The following ZDHHC15 variants were observed in gnomAD, a reference collection of about 807,000 sequenced individuals.
ZDHHC15 encodes the protein palmitoyltransferase ZDHHC15.
ZDHHC15 carries 19 observed loss-of-function variants against 31.7 expected under a neutral mutation model. The ratio of observed to expected loss-of-function variants is 0.60; its 90% CI spans 0.42 to 0.88. ZDHHC15 has a LOEUF of 0.88. Ranked by LOEUF, ZDHHC15 falls within the 40% of genes least tolerant of loss-of-function variation. The pLI is 0.00. For missense variants in ZDHHC15, 209 were observed against 251.2 expected, an observed-to-expected ratio of 0.83 and a Z score of 1.14; for synonymous variants, 103 against 90.0, an observed-to-expected ratio of 1.14 and a Z score of -0.82.
At chrX:75,477,645 G>A (rs958938765) in intron 3 of ZDHHC15, among the ~76,000 whole-genome samples, 1 of 111,495 alleles carries the variant, frequency 9.0e-6, no homozygotes, top group Non-Finnish European at 1.9e-5. Flanking sequence ...TACTTAAAGA[G>A]TCTTTGTTGT....
chrX:75,497,731 G>A (rs749271155), intron 2 of ZDHHC15, among the ~76,000 whole-genome samples: 2 of 110,954 alleles, frequency 1.8e-5, no homozygotes, highest in South Asian at 7.7e-4. Context: ...ATAATAATAC[G>A]ATTATCTCAA....
intron 2 of ZDHHC15, among the ~76,000 whole-genome samples, chrX:75,484,292 T>C (rs2084742125): frequency 2.7e-5 from 3 of 111,656 alleles, no homozygotes; most frequent in Non-Finnish European, 5.6e-5. Context: ...TTTTGCTCCA[T>C]GGGGAGGAAT....
intron 1 of ZDHHC15, among the ~76,000 whole-genome samples, chrX:75,515,696 C>T (rs2085345370): frequency 2.7e-5 from 3 of 111,749 alleles, no homozygotes; most frequent in South Asian, 7.5e-4. Flanking sequence ...CCCTCTCTCA[C>T]CACTCCTATT....
At chrX:75,441,763 A>C (rs1276139383) in intron 4 of ZDHHC15, among the ~76,000 whole-genome samples, 1 of 108,670 alleles carries the variant, frequency 9.2e-6, no homozygotes, top group Non-Finnish European at 1.9e-5. Context: ...AGCTGGGATT[A>C]CAGGCACCCG....
At chrX:75,509,384 CT>C (rs571137462) in intron 1 of ZDHHC15, among the ~76,000 whole-genome samples, 319 of 111,848 alleles carry the variant, frequency 2.9e-3, no homozygotes, top group Middle Eastern at 0.023. Flanking sequence ...ATATTTTATG[CT>C]TCCAGAACAT....
intron 10 of ZDHHC15, among the ~76,000 whole-genome samples, chrX:75,414,776 T>TTC (rs1276442743): frequency 4.9e-5 from 5 of 102,562 alleles, no homozygotes; most frequent in Admixed American, 1.1e-4. Flanking sequence ...CAAGTACGTT[T>TTC]TTTTTTTGAG....
At chrX:75,500,152 G>T (rs2085067216) in intron 2 of ZDHHC15, among the ~76,000 whole-genome samples, 1 of 109,721 alleles carries the variant, frequency 9.1e-6, no homozygotes, top group African/African-American at 3.3e-5. Flanking sequence ...GGGATAAAAG[G>T]CTACGCACTG....
intron 10 of ZDHHC15, among the ~76,000 whole-genome samples, chrX:75,393,602 A>T (rs964068077): frequency 9.0e-6 from 1 of 111,404 alleles, no homozygotes; most frequent in Non-Finnish European, 1.9e-5. Flanking sequence ...ATACTATTAG[A>T]AGTAGAGTCC....
At chrX:75,396,306 T>A (rs1355102883) in intron 10 of ZDHHC15, among the ~76,000 whole-genome samples, 1 of 111,501 alleles carries the variant, frequency 9.0e-6, no homozygotes, top group Non-Finnish European at 1.9e-5. Flanking sequence ...TAGGAAAAAA[T>A]CTAATAATCT....
intron 10 of ZDHHC15, among the ~76,000 whole-genome samples, chrX:75,382,292 C>G (rs982126701): frequency 1.8e-5 from 2 of 111,967 alleles, no homozygotes; most frequent in African/African-American, 6.5e-5. Context: ...GGAACACACA[C>G]CAATTTAGAG....
chrX:75,405,107 C>G (rs888059877), intron 10 of ZDHHC15, among the ~76,000 whole-genome samples: 3 of 111,797 alleles, frequency 2.7e-5, no homozygotes, highest in African/African-American at 9.8e-5. Flanking sequence ...GGCTATCATC[C>G]TTAGCAAACT....
intron 3 of ZDHHC15, 70 bp downstream of exon 3, chrX:75,478,821 C>T (rs1297096418): frequency 7.4e-6 from 6 of 815,017 alleles, no homozygotes; most frequent in Admixed American, 5.9e-5. Flanking sequence ...TCTTTTTGTC[C>T]TCTTCTTGCT....
At chrX:75,441,888 G>A (rs923345294) in intron 4 of ZDHHC15, among the ~76,000 whole-genome samples, 12 of 110,938 alleles carry the variant, frequency 1.1e-4, no homozygotes, top group Middle Eastern at 4.6e-3. Flanking sequence ...CTCCCAAAGT[G>A]CTGGAATTAC....
Position 75,449,846 on chromosome X carries a change from C to A in ZDHHC15, c.379+956G>T, listed in dbSNP as rs1188953223. Among the ~76,000 whole-genome samples, 5 of 111,836 alleles carry A rather than the reference C, an allele frequency of 4.5e-5. No homozygotes were observed. In the South Asian group the frequency reaches 1.5e-3, roughly 33 times the overall value. On this transcript the variant is annotated intron_variant, in intron 4 of 11. Transcript: ENST00000373367. ...CAAACTTTTTAACATATTCCCCATA[C>A]CTCTGTATGTTTTCAAAATTTAAAA...
At chrX:75,397,884 C>A (rs1323048511) in intron 10 of ZDHHC15, among the ~76,000 whole-genome samples, 2 of 112,017 alleles carry the variant, frequency 1.8e-5, no homozygotes, top group Admixed American at 1.9e-4. Context: ...TCCTTGTGAA[C>A]CCACCCCACC....
At chrX:75,445,995 G>A (rs756625611) in intron 4 of ZDHHC15, among the ~76,000 whole-genome samples, 47 of 110,729 alleles carry the variant, frequency 4.2e-4, no homozygotes, top group Non-Finnish European at 7.2e-4. Context: ...TGCTTCTAAG[G>A]CCTATAATAA....
At chrX:75,446,410 A>C (rs893345533) in intron 4 of ZDHHC15, among the ~76,000 whole-genome samples, 1 of 111,954 alleles carries the variant, frequency 8.9e-6, no homozygotes, top group South Asian at 3.7e-4. Flanking sequence ...TCTCACTCAC[A>C]CTGGGAAGGT....
intron 10 of ZDHHC15, 128 bp from the exon 11 acceptor site, chrX:75,379,326 T>C: frequency 1.6e-6 from 1 of 629,078 alleles, no homozygotes; most frequent in Non-Finnish European, 2.6e-6. Context: ...CTCTAAAGAC[T>C]GATGTGTAAC....
intron 3 of ZDHHC15, among the ~76,000 whole-genome samples, chrX:75,465,323 A>G (rs2084384990): frequency 8.9e-6 from 1 of 112,370 alleles, no homozygotes; most frequent in Admixed American, 9.4e-5. Flanking sequence ...AACAAATGTA[A>G]AAACATTCCA....
Sources: allele counts gnomAD v4.1 joint callset (sites outside exome capture counted in the v4.1 genomes callset), GRCh38; gene constraint gnomAD v4.1.1; transcripts MANE v1.5; gene names NCBI Gene and HGNC (gene_info 2026-07-23, HGNC 2026-07-21).